The following U2AF2 variants were observed in gnomAD, a reference collection of about 807,000 sequenced individuals.
U2AF2 encodes splicing factor U2AF 65 kDa subunit.
In U2AF2, 6 loss-of-function variants were observed where a neutral mutation model predicts 52.6. The observed-to-expected ratio is 0.11, with a 90% CI of 0.06 to 0.23. The LOEUF is 0.23. Among genes scored for constraint, U2AF2 ranks in the 10% least tolerant of loss-of-function variants. U2AF2 has a pLI of 1.00. For missense variants in U2AF2, 222 were observed against 677.1 expected, an observed-to-expected ratio of 0.33 and a Z score of 7.46; for synonymous variants, 284 against 258.2, an observed-to-expected ratio of 1.10 and a Z score of -0.96.
intron 11 of U2AF2, among the ~76,000 whole-genome samples, chr19:55,670,440 C>T (rs1984824653): frequency 7.5e-6 from 1 of 134,028 alleles, no homozygotes; most frequent in Admixed American, 7.2e-5. Flanking sequence ...TGTCCGTGCA[C>T]CCTGCTGTCC....
At position 55,668,436 on chromosome 19, in the gene U2AF2, G is replaced by A. The variant is rs1295547423; in HGVS notation, c.743-71G>A. 2.0e-5 allele frequency: 29 copies of A among 1,446,834 alleles called. No homozygotes were observed. Among genetic ancestry groups the A allele is most frequent in the African/African-American group, 2.8e-5 (2 of 70,338 alleles). The allele number at this position is 1,446,834 out of a possible 1,614,324, so 89.6% of individuals were successfully genotyped here. A position where few individuals can be genotyped will look rare whatever the true frequency, so the allele number is the denominator to read the frequency against. ...GTTCTCTTTGGCAATTGAGGAGCTCGCCGTAGACTGTCCAGGTTTTGGGAG... is the reference window on the plus strand; with the variant it reads ...GTTCTCTTTGGCAATTGAGGAGCTCACCGTAGACTGTCCAGGTTTTGGGAG... On this transcript the variant is annotated intron_variant, in intron 7 of 11. Coordinates refer to ENST00000308924, the MANE Select transcript of U2AF2 (RefSeq NM_007279.3). The surrounding 1 kb of genome is among the most constrained non-coding windows in gnomAD (Gnocchi z 5.5).
chr19:55,669,520 C>T lies in U2AF2; in HGVS notation c.1121C>T (p.Pro374Leu), dbSNP rs1330168099. The change falls in exon 11 of 12, where the codon CCG becomes CTG. Residue 374 changes from proline to leucine, a missense_variant. Transcript: ENST00000308924. ...TCCCAGGTGCAGATGGGCGGCCACCCGACTGAGGTCCTGTGCCTCATGAAC... is the reference window on the plus strand; with the variant it reads ...TCCCAGGTGCAGATGGGCGGCCACCTGACTGAGGTCCTGTGCCTCATGAAC... ...MSSQVQMGGH[P>L]TEVLCLMNMV... is the part of the protein sequence containing the mutation. 2 of 1,613,846 alleles carry T rather than the reference C, an allele frequency of 1.2e-6. No individual in the cohort carries two copies. The highest frequency in any genetic ancestry group is 1.7e-6 in the Non-Finnish European group (2 of 1,179,848).
intron 1 of U2AF2, chr19:55,658,916 G>A (rs1487773705): frequency 1.5e-5 from 5 of 335,752 alleles, no homozygotes; most frequent in South Asian, 1.3e-4. Context: ...CTCAGCCCTC[G>A]AGGGGGACCA....
chr19:55,673,819 T>C (rs919638076), intron 11 of U2AF2, 115 bp from the exon 12 acceptor site: 3 of 1,434,412 alleles, frequency 2.1e-6, no homozygotes, highest in South Asian at 1.4e-5. Context: ...CTGACACCTG[T>C]GGCGAAGCCC....
At position 55,669,188 on chromosome 19, in the gene U2AF2, C is replaced by T. The variant is rs1210211427; in HGVS notation, c.1044+7C>T. On this transcript the variant is annotated splice_region_variant and intron_variant, in intron 10 of 11. Coordinates refer to ENST00000308924, the MANE Select transcript of U2AF2 (RefSeq NM_007279.3). Reference sequence around the variant, plus strand: ...CACGCTGGTGAGCCCCCCGGCACGTCATCTTCCATTGGCTTGAGGGACCCT... The same window carrying T: ...CACGCTGGTGAGCCCCCCGGCACGTTATCTTCCATTGGCTTGAGGGACCCT... 2 of 1,613,658 alleles carry T rather than the reference C, an allele frequency of 1.2e-6. No homozygotes were observed. The highest frequency in any genetic ancestry group is 2.2e-5 in the South Asian group (2 of 91,024).
rs202228496 is a variant in U2AF2 at position 55,668,481 on chromosome 19, G to A, written c.743-26G>A. 2.6e-6 allele frequency: 4 copies of A among 1,551,136 alleles called. No homozygotes were observed. The East Asian group carries it at 6.8e-5, about 26-fold the overall frequency. On this transcript the variant is annotated intron_variant, in intron 7 of 11. Coordinates refer to ENST00000308924, the MANE Select transcript of U2AF2 (RefSeq NM_007279.3). The surrounding 1 kb of genome is among the most constrained non-coding windows in gnomAD (Gnocchi z 5.5). ...TGGGAGATAACCTGGTACTGGAATT[G>A]AAGTCCTCCTCTTCTCTACCCATAG...
At chr19:55,665,769 C>CG (rs1410757226) in intron 7 of U2AF2, among the ~76,000 whole-genome samples, 1 of 152,222 alleles carries the variant, frequency 6.6e-6, no homozygotes, top group African/African-American at 2.4e-5. Context: ...CTGCCTCAGC[C>CG]TCCCGAGTAG....
At chr19:55,669,868 C>T (rs74810795) in intron 11 of U2AF2, among the ~76,000 whole-genome samples, 176 bp downstream of exon 11, 1,547 of 152,288 alleles carry the variant, frequency 0.01, 27 homozygotes, top group African/African-American at 0.035. Flanking sequence ...CACTGAGTGC[C>T]GCCCTCAGGC....
chr19:55,660,229 T>G lies in U2AF2; in HGVS notation c.230+8T>G. 2 of 1,612,076 alleles carry G rather than the reference T, an allele frequency of 1.2e-6. No homozygotes were observed. Among genetic ancestry groups the G allele is most frequent in the South Asian group, 1.1e-5 (1 of 90,882 alleles). ...GGAGCACGGTGGACTGATGTGAGCT[T>G]CTCTTCCTGCCCCTTCCTCCCTGAT... On this transcript the variant is annotated splice_region_variant and intron_variant, in intron 3 of 11. Coordinates refer to ENST00000308924, the MANE Select transcript of U2AF2 (RefSeq NM_007279.3).
intron 3 of U2AF2, 96 bp from the exon 4 acceptor site, chr19:55,660,420 G>A (rs938496141): frequency 2.5e-5 from 28 of 1,136,570 alleles, no homozygotes; most frequent in Middle Eastern, 2.1e-4. Context: ...ACATGGTTGC[G>A]GGGAGGGTGA....
intron 11 of U2AF2, 73 bp downstream of exon 11, chr19:55,669,765 C>G: frequency 1.3e-6 from 2 of 1,485,650 alleles, no homozygotes; most frequent in Admixed American, 2.4e-5. Flanking sequence ...TTCTTCCTCT[C>G]TTGCTCCCTC....
At chr19:55,660,323 C>A (rs1008471410) in intron 3 of U2AF2, 102 bp downstream of exon 3, 1 of 1,379,210 alleles carries the variant, frequency 7.3e-7, no homozygotes, top group Non-Finnish European at 1.0e-6. Context: ...GGCCCAAGCA[C>A]TGGGAAGAGT....
chr19:55,655,235 T>G, intron 1 of U2AF2, 82 bp downstream of exon 1: 2 of 1,461,206 alleles, frequency 1.4e-6, no homozygotes, highest in Non-Finnish European at 1.9e-6. Context: ...TCTCCCTCGC[T>G]TCCCCCCACT....
rs780244830 is a variant in U2AF2 at position 55,668,836 on chromosome 19, G to C, written c.945+44G>C. 1.1e-5 allele frequency: 17 copies of C among 1,583,872 alleles called. No individual in the cohort carries two copies. In the Admixed American group the frequency reaches 2.0e-4, roughly 19 times the overall value. On this transcript the variant is annotated intron_variant, in intron 9 of 11. Transcript: ENST00000308924. The surrounding 1 kb of genome is among the most constrained non-coding windows in gnomAD (Gnocchi z 5.5). ...GCCGCTGCCGCGTCTGTCCTTCCCTGCCCTGCGCTGTTGCCAAGCCATGGT... is the reference window on the plus strand; with the variant it reads ...GCCGCTGCCGCGTCTGTCCTTCCCTCCCCTGCGCTGTTGCCAAGCCATGGT...
At chr19:55,662,155 G>GTA (rs1984250621) in intron 5 of U2AF2, 1 of 201,280 alleles carries the variant, frequency 5.0e-6, no homozygotes, top group African/African-American at 2.3e-5. Context: ...TGTGTTTCGT[G>GTA]TTTTTCTTCA....
At chr19:55,658,393 T>C (rs1983935464) in intron 1 of U2AF2, among the ~76,000 whole-genome samples, 1 of 151,698 alleles carries the variant, frequency 6.6e-6, no homozygotes, top group South Asian at 2.1e-4. Flanking sequence ...TCTGTGGTTT[T>C]GCCAGTGAGG....
Position 55,674,171 on chromosome 19 carries a change from C to G in U2AF2, c.*103C>G. The G allele has an allele frequency of 8.8e-7, 1 of 1,136,744 alleles. No individual in the cohort carries two copies. The highest frequency in any genetic ancestry group is 1.1e-6 in the Non-Finnish European group (1 of 881,016). 70.4% of individuals were successfully genotyped at this position (1,136,744 alleles called of 1,614,324 possible). The stretch of plus-strand genomic sequence containing the variant: ...AGACGATGGGCAGAGGAGTGACAGC[C>G]GCAGACACACGACAGCCGGCAGCAA... On this transcript the variant is annotated 3_prime_UTR_variant, in exon 12 of 12. Coordinates refer to ENST00000308924, the MANE Select transcript of U2AF2 (RefSeq NM_007279.3).
At chr19:55,673,622 C>G (rs761908322) in intron 11 of U2AF2, among the ~76,000 whole-genome samples, 45 of 152,200 alleles carry the variant, frequency 3.0e-4, no homozygotes, top group Non-Finnish European at 4.9e-4. Flanking sequence ...ACACTCAGCA[C>G]GAGGGACCCC....
intron 11 of U2AF2, among the ~76,000 whole-genome samples, chr19:55,672,928 C>A (rs1234584081): frequency 6.6e-6 from 1 of 151,798 alleles, no homozygotes; most frequent in African/African-American, 2.4e-5. Flanking sequence ...CAGGCGTGAG[C>A]CACCGCGCCC....
Sources: allele counts gnomAD v4.1 joint callset (sites outside exome capture counted in the v4.1 genomes callset), GRCh38; gene constraint gnomAD v4.1.1; non-coding constraint Gnocchi (gnomAD v3.1); transcripts MANE v1.5; gene names NCBI Gene and HGNC (gene_info 2026-07-23, HGNC 2026-07-21).